LRP6: variants seen among roughly 807,000 people sequenced by gnomAD.
LRP6 encodes low-density lipoprotein receptor-related protein 6.
Under a neutral mutation model 184.1 loss-of-function variants are expected in LRP6, and 43 were observed. The ratio of observed to expected loss-of-function variants is 0.23; its 90% confidence interval spans 0.18 to 0.30. The LOEUF (loss-of-function observed/expected upper bound fraction) is 0.30. Ranked by LOEUF, LRP6 falls within the 10% of genes least tolerant of loss-of-function variation. LRP6 has a pLI of 1.00. For missense variants in LRP6, 1,571 were observed against 2,005.3 expected (o/e 0.78, Z 4.14); for synonymous variants, 719 against 684.9 (o/e 1.05, Z -0.78).
At chr12:12,225,218 G>T (rs1384532485) in intron 2 of LRP6, among the ~76,000 whole-genome samples, 1 of 152,008 alleles carries the variant, frequency 6.6e-6, no homozygotes, top group Non-Finnish European at 1.5e-5. Context: ...ACCTGGCCGG[G>T]GTGGACGCAG....
At chr12:12,255,474 G>C (rs1422756233) in intron 1 of LRP6, among the ~76,000 whole-genome samples, 1 of 148,766 alleles carries the variant, frequency 6.7e-6, no homozygotes, top group African/African-American at 2.5e-5. Flanking sequence ...TGCAGATCCT[G>C]TAGTAAGCAT....
chr12:12,194,667 G>A (rs1260844007), intron 3 of LRP6, among the ~76,000 whole-genome samples: 2 of 152,002 alleles, frequency 1.3e-5, no homozygotes, highest in African/African-American at 4.8e-5. Context: ...TATATATAAG[G>A]TACCGTGATC....
At chr12:12,164,113 G>A (rs1862809698) in intron 9 of LRP6, among the ~76,000 whole-genome samples, 160 bp downstream of exon 9, 1 of 149,016 alleles carries the variant, frequency 6.7e-6, no homozygotes, top group Non-Finnish European at 1.5e-5. Context: ...CTGGGTGACA[G>A]AGCAAGACAC....
At chr12:12,145,624 C>CTTTTTTTTTTTTTTTTTT (rs1157764946) in intron 15 of LRP6, among the ~76,000 whole-genome samples, 6 of 80,304 alleles carry the variant, frequency 7.5e-5, no homozygotes, top group Admixed American at 1.7e-4. Context: ...TTTTCTTTTT[C>CTTTTTTTTTTTTTTTTTT]TTTTTTTTTT....
intron 1 of LRP6, among the ~76,000 whole-genome samples, chr12:12,252,717 T>C (rs943042287): frequency 6.6e-6 from 1 of 152,186 alleles, no homozygotes; most frequent in African/African-American, 2.4e-5. Context: ...TGGTTCTCAG[T>C]TAAGAATTCA....
intron 2 of LRP6, 117 bp downstream of exon 2, chr12:12,244,145 G>C (rs1214285485): frequency 3.0e-6 from 3 of 997,952 alleles, no homozygotes; most frequent in Non-Finnish European, 4.6e-6. Context: ...GAAGCCCAAA[G>C]AATCTAAAAT....
chr12:12,196,252 G>T (rs1863757489), intron 3 of LRP6, among the ~76,000 whole-genome samples: 1 of 151,174 alleles, frequency 6.6e-6, no homozygotes. Flanking sequence ...TATTTTAATA[G>T]GGACTCCACT....
chr12:12,212,873 G>A (rs185962375), intron 2 of LRP6, among the ~76,000 whole-genome samples: 16 of 152,156 alleles, frequency 1.1e-4, no homozygotes, highest in Admixed American at 9.8e-4. Flanking sequence ...GAGAATTCTT[G>A]GTCTTGAGAA....
intron 7 of LRP6, among the ~76,000 whole-genome samples, chr12:12,169,853 A>AT (rs1862984602): frequency 6.6e-6 from 1 of 152,208 alleles, no homozygotes; most frequent in South Asian, 2.1e-4. Flanking sequence ...TTTATTAAAG[A>AT]TTTTTTTAAA....
intron 1 of LRP6, chr12:12,249,388 G>GA: frequency 2.1e-6 from 2 of 935,442 alleles, no homozygotes; most frequent in East Asian, 4.8e-5. Flanking sequence ...AAGAAAATAT[G>GA]AAACTCCCTC....
At chr12:12,128,645 T>C (rs1434341739) in intron 19 of LRP6, among the ~76,000 whole-genome samples, 3 of 152,198 alleles carry the variant, frequency 2.0e-5, no homozygotes, top group Non-Finnish European at 2.9e-5. Flanking sequence ...TAGTATAAGA[T>C]AATAAAAAGT....
intron 1 of LRP6, among the ~76,000 whole-genome samples, chr12:12,258,850 G>A (rs984283061): frequency 6.6e-6 from 1 of 152,166 alleles, no homozygotes; most frequent in Admixed American, 6.5e-5. Flanking sequence ...CTTGTAGTTT[G>A]GGTCTTGTAG....
chr12:12,228,350 C>T (rs1465893602), intron 2 of LRP6, among the ~76,000 whole-genome samples: 4 of 151,722 alleles, frequency 2.6e-5, no homozygotes, highest in African/African-American at 9.7e-5. Flanking sequence ...GGTGACACAG[C>T]GAGGCTCCAT....
intron 20 of LRP6, among the ~76,000 whole-genome samples, chr12:12,126,308 T>C (rs1194058804): frequency 6.6e-6 from 1 of 152,194 alleles, no homozygotes; most frequent in East Asian, 1.9e-4. Context: ...GAATCTTATA[T>C]AATTTTTGGC....
At chr12:12,218,514 A>AC (rs1864407213) in intron 2 of LRP6, among the ~76,000 whole-genome samples, 4 of 130,260 alleles carry the variant, frequency 3.1e-5, no homozygotes, top group African/African-American at 1.0e-4. Flanking sequence ...AATAATAATA[A>AC]TAATACTATA....
intron 2 of LRP6, among the ~76,000 whole-genome samples, chr12:12,225,179 C>T (rs1437344720): frequency 6.6e-6 from 1 of 152,134 alleles, no homozygotes; most frequent in Non-Finnish European, 1.5e-5. Flanking sequence ...CGCCACTGCA[C>T]TCCAGCCTGG....
intron 22 of LRP6, among the ~76,000 whole-genome samples, chr12:12,122,934 A>T (rs1949624073): frequency 6.6e-6 from 1 of 152,198 alleles, no homozygotes; most frequent in African/African-American, 2.4e-5. Flanking sequence ...ATCAATACTG[A>T]CATGATGTCA....
chr12:12,225,333 T>G (rs1047272748), intron 2 of LRP6, among the ~76,000 whole-genome samples: 2 of 151,942 alleles, frequency 1.3e-5, no homozygotes, highest in African/African-American at 4.8e-5. Context: ...ACCAGAGAAG[T>G]AAGGTCACAG....
intron 1 of LRP6, among the ~76,000 whole-genome samples, chr12:12,262,499 A>T (rs895917308): frequency 6.6e-6 from 1 of 151,778 alleles, no homozygotes; most frequent in Non-Finnish European, 1.5e-5. Flanking sequence ...CAGAGATTGC[A>T]GTGAGCCAAG....
Sources: allele counts gnomAD v4.1 joint callset (sites outside exome capture counted in the v4.1 genomes callset), GRCh38; gene constraint gnomAD v4.1.1; transcripts MANE v1.5; gene names NCBI Gene and HGNC (gene_info 2026-07-23, HGNC 2026-07-21).